The following DACH1 variants were observed in gnomAD, a reference collection of about 807,000 sequenced individuals.
The protein encoded by DACH1 is dachshund family transcription factor 1.
A neutral mutation model predicts 54.2 loss-of-function variants in DACH1; 12 were observed. That is an observed-to-expected ratio of 0.22 (90% CI 0.14 to 0.36). The LOEUF is 0.36. DACH1 is among the 10% of genes least tolerant of loss of function. The pLI is 1.00. For synonymous variants in DACH1, 386 were observed against 366.2 expected (o/e 1.05, Z -0.62); for missense variants, 805 against 929.8 (o/e 0.87, Z 1.75).
intron 8 of DACH1, among the ~76,000 whole-genome samples, chr13:71,477,732 T>C (rs1877699295): frequency 6.6e-6 from 1 of 152,270 alleles, no homozygotes; most frequent in East Asian, 1.9e-4. Context: ...AAAGGCTTAA[T>C]ACCCTGCACT....
rs1307134891 is a variant in DACH1, at chr13:71,735,062, C to CAT, written c.849-53154_849-53153dup. Among the ~76,000 whole-genome samples, 337 of 66,854 alleles carry CAT rather than the reference C, an allele frequency of 5.0e-3. 4 individuals are homozygous for CAT. The highest frequency in any genetic ancestry group is 0.022 in the African/African-American group (306 of 13,944). 43.9% of individuals were successfully genotyped at this position (66,854 alleles called of 152,430 possible). On this transcript the variant is annotated intron_variant, in intron 1 of 10. Coordinates refer to ENST00000613252, the MANE Select transcript of DACH1 (RefSeq NM_080759.6). ...ATGGGATATACGTATATGGGTGATA[C>CAT]ATATATATGGGATATACGTATATGG... is the stretch of plus-strand genomic sequence containing the variant.
intron 6 of DACH1, among the ~76,000 whole-genome samples, chr13:71,545,074 T>C (rs913739741): frequency 6.6e-6 from 1 of 152,068 alleles, no homozygotes; most frequent in Non-Finnish European, 1.5e-5. Flanking sequence ...CAGTGCTCCA[T>C]ACAGATGGAA....
chr13:71,631,080 T>C (rs1459146286), intron 2 of DACH1, among the ~76,000 whole-genome samples: 1 of 152,198 alleles, frequency 6.6e-6, no homozygotes, highest in Non-Finnish European at 1.5e-5. Context: ...AACTGTTAAC[T>C]GAATCCACAA....
chr13:71,852,273 AC>A (rs1873717703), intron 1 of DACH1, among the ~76,000 whole-genome samples: 2 of 151,404 alleles, frequency 1.3e-5, no homozygotes, highest in Non-Finnish European at 2.9e-5. Flanking sequence ...CTTCGCGACC[AC>A]CCCTCCATCT....
intron 2 of DACH1, among the ~76,000 whole-genome samples, chr13:71,679,492 C>A (rs1321699900): frequency 6.6e-6 from 1 of 151,750 alleles, no homozygotes; most frequent in Non-Finnish European, 1.5e-5. Flanking sequence ...TGAATACAAT[C>A]TAGGATACAT....
At chr13:71,628,627 A>G (rs942122205) in intron 3 of DACH1, among the ~76,000 whole-genome samples, 12 of 152,136 alleles carry the variant, frequency 7.9e-5, no homozygotes, top group African/African-American at 1.2e-4. Context: ...CCTTAATGAA[A>G]AAAAGTCATT....
chr13:71,636,855 G>A lies in DACH1; in HGVS notation c.965-6138C>T, dbSNP rs926610858. Among the ~76,000 whole-genome samples the A allele has an allele frequency of 1.4e-4, 22 of 152,164 alleles. No individual in the cohort carries two copies. In the East Asian group the frequency reaches 3.9e-3, roughly 27 times the overall value. On this transcript the variant is annotated intron_variant, in intron 2 of 10. Coordinates refer to ENST00000613252, the MANE Select transcript of DACH1 (RefSeq NM_080759.6). Reference sequence around the variant, plus strand: ...AAATTTTTACACAGAACTTAGAAACGTGGCTTGTCATATTACTATCTGAAT... The same window carrying A: ...AAATTTTTACACAGAACTTAGAAACATGGCTTGTCATATTACTATCTGAAT...
rs146204551 is a variant in DACH1 at position 71,637,401 on chromosome 13, CA to C, written c.965-6685del. On this transcript the variant is annotated intron_variant, in intron 2 of 10. Transcript: ENST00000613252. ...GTTTAGTTTTACCTTTGTTCAATTA[CA>C]AAGGTGCAAATAGGACAAAAAGTAC... Among the ~76,000 whole-genome samples the C allele has an allele frequency of 5.7e-3, 869 of 152,226 alleles. 9 individuals are homozygous for C. Among genetic ancestry groups the C allele is most frequent in the African/African-American group, 0.02 (818 of 41,540 alleles).
intron 3 of DACH1, among the ~76,000 whole-genome samples, chr13:71,621,492 A>C (rs2138543699): frequency 6.6e-6 from 1 of 152,206 alleles, no homozygotes; most frequent in East Asian, 1.9e-4. Context: ...ATTCGCTATT[A>C]GGTGCTTTCA....
At chr13:71,860,710 A>T (rs114921668) in intron 1 of DACH1, among the ~76,000 whole-genome samples, 57 of 152,054 alleles carry the variant, frequency 3.7e-4, no homozygotes, top group African/African-American at 1.3e-3. Context: ...GTTGTTTTCT[A>T]TGTTGCTCAT....
intron 1 of DACH1, among the ~76,000 whole-genome samples, chr13:71,849,679 C>T (rs913608486): frequency 6.6e-6 from 1 of 152,136 alleles, no homozygotes; most frequent in East Asian, 1.9e-4. Flanking sequence ...AATAGCTAGA[C>T]ACTAAGACCA....
At chr13:71,770,911 G>T (rs1342853240) in intron 1 of DACH1, among the ~76,000 whole-genome samples, 1 of 151,380 alleles carries the variant, frequency 6.6e-6, no homozygotes, top group Admixed American at 6.6e-5. Flanking sequence ...TCATTAGATT[G>T]GAATTTGTGT....
At position 71,475,181 on chromosome 13, in the gene DACH1, G is replaced by T. The variant is rs984740479; in HGVS notation, c.2043C>A (p.Asp681Glu). The change falls in exon 10 of 11, where the codon GAC becomes GAA. Residue 681 changes from aspartate (D) to glutamate (E), a missense_variant. By Grantham distance (45) the Asp-to-Glu change is conservative (BLOSUM62 2). Coordinates refer to ENST00000613252, the MANE Select transcript of DACH1 (RefSeq NM_080759.6). Reference protein sequence around the residue: ...NDSLTPEIEADRSGGRTDAER... With the variant: ...NDSLTPEIEAERSGGRTDAER... ...CAGCATCTGTTCTGCCGCCACTGCG[G>T]TCAGCCTCTATCTCTGGGGTCAGAG... 1.2e-6 allele frequency: 2 copies of T among 1,613,938 alleles called. No individual in the cohort carries two copies. The highest frequency in any genetic ancestry group is 1.7e-6 in the Non-Finnish European group (2 of 1,179,878).
At chr13:71,607,051 C>T (rs1489932908) in intron 3 of DACH1, among the ~76,000 whole-genome samples, 1 of 151,860 alleles carries the variant, frequency 6.6e-6, no homozygotes, top group Non-Finnish European at 1.5e-5. Flanking sequence ...GTGGTTTTAC[C>T]TTTATTCCAC....
chr13:71,510,699 ATT>A (rs1880710060), intron 6 of DACH1, among the ~76,000 whole-genome samples: 1 of 151,980 alleles, frequency 6.6e-6, no homozygotes, highest in South Asian at 2.1e-4. Context: ...TTAAGGCTTG[ATT>A]CATGTAAATC....
At chr13:71,741,243 T>C (rs570931915) in intron 1 of DACH1, among the ~76,000 whole-genome samples, 24 of 152,282 alleles carry the variant, frequency 1.6e-4, no homozygotes, top group African/African-American at 5.8e-4. Flanking sequence ...ACCAAGCACA[T>C]GGAAGTCATT....
intron 1 of DACH1, among the ~76,000 whole-genome samples, chr13:71,846,968 T>C (rs1043702753): frequency 6.6e-6 from 1 of 152,200 alleles, no homozygotes; most frequent in East Asian, 1.9e-4. Flanking sequence ...ATTTTTGGTC[T>C]GACCACTCAA....
chr13:71,574,483 C>A (rs1182786799), intron 3 of DACH1, among the ~76,000 whole-genome samples: 1 of 152,084 alleles, frequency 6.6e-6, no homozygotes, highest in Non-Finnish European at 1.5e-5. Flanking sequence ...CAATTTAATG[C>A]TTTAGCTCTG....
intron 7 of DACH1, among the ~76,000 whole-genome samples, chr13:71,479,572 A>G (rs1473608091): frequency 6.6e-6 from 1 of 152,200 alleles, no homozygotes; most frequent in Non-Finnish European, 1.5e-5. Flanking sequence ...TCCAAAGCTA[A>G]GTAGATATTC....
Sources: gnomAD v4.1 joint callset for allele counts (sites outside exome capture counted in the v4.1 genomes callset) on GRCh38, gnomAD v4.1.1 for gene constraint, MANE v1.5 for transcripts, NCBI Gene and HGNC (gene_info 2026-07-23, HGNC 2026-07-21) for gene names.